The following TMEM62 variants were observed in gnomAD, a reference collection of about 807,000 sequenced individuals.
The protein encoded by TMEM62 is transmembrane protein 62.
Under a neutral mutation model 70.4 loss-of-function variants are expected in TMEM62, and 41 were observed. The ratio of observed to expected loss-of-function variants is 0.58; its 90% CI spans 0.45 to 0.76. The LOEUF (loss-of-function observed/expected upper bound fraction) is 0.76. TMEM62 is among the 30% of genes least tolerant of loss of function. The pLI is 0.00. For missense variants in TMEM62, 688 were observed against 788.5 expected (o/e 0.87, Z 1.53); for synonymous variants, 268 against 291.0 (o/e 0.92, Z 0.80).
chr15:43,184,185 T>C (rs1382981660), intron 13 of TMEM62, 75 bp from the exon 14 acceptor site: 53 of 1,267,352 alleles, frequency 4.2e-5, no homozygotes, highest in Non-Finnish European at 5.1e-5. Flanking sequence ...AGTCTTAGGA[T>C]CCACTAATAA....
intron 12 of TMEM62, among the ~76,000 whole-genome samples, chr15:43,179,341 G>A (rs890978127): frequency 1.3e-5 from 2 of 152,198 alleles, no homozygotes; most frequent in Non-Finnish European, 2.9e-5. Flanking sequence ...TCAAAAAAGA[G>A]AGAAACTGAG....
intron 5 of TMEM62, 145 bp from the exon 6 acceptor site, chr15:43,148,610 C>T: frequency 1.2e-6 from 1 of 841,238 alleles, no homozygotes; most frequent in South Asian, 2.1e-5. Context: ...TTACAGAGGT[C>T]CATAGAGGTC....
At chr15:43,162,189 G>A (rs2038790658) in intron 10 of TMEM62, among the ~76,000 whole-genome samples, 1 of 151,844 alleles carries the variant, frequency 6.6e-6, no homozygotes, top group South Asian at 2.1e-4. Flanking sequence ...CCAGGCTGGA[G>A]TACAGCAGTG....
At chr15:43,146,354 T>C (rs1300925270) in intron 4 of TMEM62, 139 bp from the exon 5 acceptor site, 2 of 768,732 alleles carry the variant, frequency 2.6e-6, no homozygotes, top group East Asian at 5.2e-5. Context: ...GTTTATCCAT[T>C]GTGGATCTAG....
At position 43,134,294 on chromosome 15, in the gene TMEM62, G is replaced by A. The variant is rs2034867802; in HGVS notation, c.218G>A (p.Gly73Asp). The A allele has an allele frequency of 6.2e-7, 1 of 1,614,222 alleles. No homozygotes were observed. Among genetic ancestry groups the A allele is most frequent in the Non-Finnish European group, 8.5e-7 (1 of 1,180,044 alleles). ...DIHLSRFRDP[G>D]RAVDLEKFCS... The stretch of plus-strand genomic sequence containing the variant: ...CACCTGAGCAGGTTTCGAGATCCAG[G>A]CAGAGCGGTAGACTTAGAGAAATTC... The change falls in exon 2 of 14, where the codon GGC becomes GAC. Residue 73 changes from glycine to aspartate, a missense_variant. Physicochemically the swap from Gly to Asp is moderately conservative, Grantham distance 94. Transcript: ENST00000260403.
intron 5 of TMEM62, among the ~76,000 whole-genome samples, chr15:43,146,914 A>G (rs192248696): frequency 6.6e-6 from 1 of 152,344 alleles, no homozygotes; most frequent in Non-Finnish European, 1.5e-5. Context: ...AAGTTACAGG[A>G]CATACAGCTT....
rs544425848 is a variant in TMEM62 at position 43,175,854 on chromosome 15, C to T, written c.1382-2753C>T. On this transcript the variant is annotated intron_variant, in intron 11 of 13. Coordinates refer to ENST00000260403, the MANE Select transcript of TMEM62 (RefSeq NM_024956.4). ...GCGCAGGACAGTGGGTCCAGCGCAC[C>T]GTGCGTGAGCCGAAGCAGGGCGAGG... Among the ~76,000 whole-genome samples, 18 of 152,274 alleles carry T rather than the reference C, an allele frequency of 1.2e-4. 1 individual carries two copies. The highest frequency in any genetic ancestry group is 2.2e-4 in the African/African-American group (9 of 41,546).
intron 9 of TMEM62, among the ~76,000 whole-genome samples, chr15:43,159,971 CTCTT>C (rs959573407): frequency 4.6e-5 from 7 of 151,848 alleles, no homozygotes; most frequent in Admixed American, 3.3e-4. Flanking sequence ...AGGTTTTAAT[CTCTT>C]TTTTTGTTTT....
intron 4 of TMEM62, among the ~76,000 whole-genome samples, chr15:43,142,023 T>G (rs2036083120): frequency 6.6e-6 from 1 of 152,244 alleles, no homozygotes. Context: ...CTTCTAAATA[T>G]GGTGTGAACA....
In TMEM62 at chr15:43,134,318, T is replaced by A; in HGVS notation, c.242T>A (p.Phe81Tyr). 6.2e-7 allele frequency: 1 copy of A among 1,614,128 alleles called. No individual in the cohort carries two copies. Among genetic ancestry groups the A allele is most frequent in the Non-Finnish European group, 8.5e-7 (1 of 1,180,014 alleles). The change falls in exon 2 of 14, where the codon TTC becomes TAC. Residue 81 changes from phenylalanine to tyrosine, a missense_variant. Coordinates refer to ENST00000260403, the MANE Select transcript of TMEM62 (RefSeq NM_024956.4). ...DPGRAVDLEK[F>Y]CSETIDIIQP... is the part of the protein sequence containing the mutation. ...GGCAGAGCGGTAGACTTAGAGAAAT[T>A]CTGTTCTGAAACTATTGACATCATT...
rs2041035958 is a variant in TMEM62, at chr15:43,178,690, T to C, written c.1465T>C (p.Leu489=). The C allele has an allele frequency of 1.2e-6, 2 of 1,611,720 alleles. No homozygotes were observed. Among genetic ancestry groups the C allele is most frequent in the Non-Finnish European group, 1.7e-6 (2 of 1,178,110 alleles). The change falls in exon 12 of 14, where the codon TTG becomes CTG. Residue 489 remains leucine, a synonymous_variant. Transcript: ENST00000260403. ...INIFYYSVLL[L]TLYTVLGPWF... The stretch of plus-strand genomic sequence containing the variant: ...CATCTTCTACTATTCTGTGTTGTTG[T>C]TGACCCTGTATACAGTGCTGGGTAA...
intron 11 of TMEM62, among the ~76,000 whole-genome samples, chr15:43,174,934 C>G (rs913704062): frequency 2.6e-5 from 4 of 152,186 alleles, no homozygotes. Context: ...AGAAGCACGG[C>G]TTTGTCTAAA....
At chr15:43,176,502 T>C (rs554729177) in intron 11 of TMEM62, among the ~76,000 whole-genome samples, 1 of 152,202 alleles carries the variant, frequency 6.6e-6, no homozygotes, top group South Asian at 2.1e-4. Context: ...AGAGGAACGA[T>C]CAGACAGCAG....
intron 11 of TMEM62, among the ~76,000 whole-genome samples, chr15:43,176,251 G>A (rs1367273772): frequency 6.6e-6 from 1 of 152,248 alleles, no homozygotes; most frequent in Non-Finnish European, 1.5e-5. Context: ...CACCTCTGGG[G>A]GCAGGGCACA....
At chr15:43,183,804 A>G (rs1177039714) in intron 13 of TMEM62, among the ~76,000 whole-genome samples, 1 of 152,206 alleles carries the variant, frequency 6.6e-6, no homozygotes, top group Non-Finnish European at 1.5e-5. Context: ...ATCATACAGC[A>G]GCTCAACTTG....
chr15:43,176,703 A>T (rs1236342268), intron 11 of TMEM62, among the ~76,000 whole-genome samples: 6 of 152,040 alleles, frequency 3.9e-5, no homozygotes, highest in Non-Finnish European at 7.3e-5. Flanking sequence ...ATCATCAAAG[A>T]CCAAAAGTAG....
chr15:43,167,408 G>C (rs1015668265), intron 10 of TMEM62, among the ~76,000 whole-genome samples: 2 of 151,578 alleles, frequency 1.3e-5, no homozygotes, highest in East Asian at 3.9e-4. Context: ...CTTCTCAGAC[G>C]GGGCGGTTGC....
In TMEM62 at chr15:43,154,733, T is replaced by A. The variant is rs754216490; in HGVS notation, c.1084T>A (p.Leu362Ile). 4 of 1,614,028 alleles carry A rather than the reference T, an allele frequency of 2.5e-6. 1 individual carries two copies. In the South Asian group the frequency reaches 4.4e-5, roughly 18 times the overall value. Reference protein sequence around the residue: ...SVTVKIDGVHLGQAVHVSGPI... With the variant: ...SVTVKIDGVHIGQAVHVSGPI... ...CACAGTTAAGATTGATGGAGTTCATTTAGGCCAGGCTGTTCATGTGTCTGG... is the reference window on the plus strand; with the variant it reads ...CACAGTTAAGATTGATGGAGTTCATATAGGCCAGGCTGTTCATGTGTCTGG... Residue 362 changes from leucine to isoleucine, a missense_variant, in exon 9 of 14, where the codon TTA (leucine) becomes ATA (isoleucine). Leu to Ile is a conservative substitution (Grantham distance 5, BLOSUM62 2). Coordinates refer to ENST00000260403, the MANE Select transcript of TMEM62 (RefSeq NM_024956.4).
intron 4 of TMEM62, among the ~76,000 whole-genome samples, chr15:43,143,829 T>C (rs890311891): frequency 6.6e-6 from 1 of 152,244 alleles, no homozygotes; most frequent in African/African-American, 2.4e-5. Flanking sequence ...CTTTTCAGCC[T>C]CAGGGTATTC....
Sources: allele counts gnomAD v4.1 joint callset (sites outside exome capture counted in the v4.1 genomes callset), GRCh38; gene constraint gnomAD v4.1.1; transcripts MANE v1.5; gene names NCBI Gene and HGNC (gene_info 2026-07-23, HGNC 2026-07-21).